The following WNT3 variants were observed in gnomAD, a reference collection of about 807,000 sequenced individuals.
The protein encoded by WNT3 is proto-oncogene Wnt-3.
In WNT3, 7 loss-of-function variants were observed where a neutral mutation model predicts 34.2. The observed-to-expected ratio is 0.20, with a 90% confidence interval of 0.12 to 0.38. The LOEUF (loss-of-function observed/expected upper bound fraction) is 0.38, where lower values mean the gene tolerates loss of function less well. Among genes scored for constraint, WNT3 ranks in the 10% least tolerant of loss-of-function variants. WNT3 has a pLI of 1.00. For missense variants in WNT3, 267 were observed against 499.8 expected (o/e 0.53, Z 4.44); for synonymous variants, 212 against 211.5 (o/e 1.00, Z -0.02).
intron 1 of WNT3, among the ~76,000 whole-genome samples, chr17:46,809,587 T>C (rs11653738): frequency 0.27 from 40,525 of 152,214 alleles, 5,984 homozygotes; most frequent in South Asian, 0.39. Context: ...GATTCCCTGA[T>C]GACTACAGGC....
intron 1 of WNT3, 25 bp downstream of exon 1, chr17:46,818,493 C>T (rs1300680950): frequency 3.1e-6 from 5 of 1,589,412 alleles, no homozygotes; most frequent in Non-Finnish European, 4.3e-6. Flanking sequence ...AACCGGGCCG[C>T]GGGCAGACAA....
At chr17:46,773,240 C>T (rs749121343) in intron 2 of WNT3, among the ~76,000 whole-genome samples, 4 of 152,056 alleles carry the variant, frequency 2.6e-5, no homozygotes, top group East Asian at 3.9e-4. Flanking sequence ...TTGGGGGCAA[C>T]GCAATGCTAC....
At chr17:46,807,868 G>A (rs781361134) in intron 1 of WNT3, among the ~76,000 whole-genome samples, 14 of 152,196 alleles carry the variant, frequency 9.2e-5, no homozygotes, top group African/African-American at 3.4e-4. Flanking sequence ...GGACATAAAG[G>A]GAAGCATGCT....
intron 1 of WNT3, among the ~76,000 whole-genome samples, chr17:46,789,752 G>A (rs572510457): frequency 6.6e-6 from 1 of 152,326 alleles, no homozygotes; most frequent in East Asian, 1.9e-4. Flanking sequence ...ACTGCCCAGG[G>A]CTCCAGCTTG....
rs571466968 is a variant in WNT3, at chr17:46,810,288, G to A, written c.80+8230C>T. Among the ~76,000 whole-genome samples, 6 of 152,066 alleles carry A rather than the reference G, an allele frequency of 3.9e-5. No homozygotes were observed. The South Asian group carries it at 6.2e-4, about 16-fold the overall frequency. ...CTCCCAAAGTGCTGGGATTACAGGC[G>A]TAAGCCCCATGCCCAGCCTTCTTAT... On this transcript the variant is annotated intron_variant, in intron 1 of 4. Transcript: ENST00000225512.
chr17:46,777,335 C>T (rs889107513), intron 1 of WNT3, among the ~76,000 whole-genome samples: 1 of 152,276 alleles, frequency 6.6e-6, no homozygotes. Context: ...TCGGGGGGCC[C>T]ATGCTGGCAA....
intron 1 of WNT3, among the ~76,000 whole-genome samples, chr17:46,780,738 C>G (rs1301238171): frequency 1.3e-5 from 2 of 151,942 alleles, no homozygotes; most frequent in Non-Finnish European, 2.9e-5. Context: ...GATGGCGCCA[C>G]TGCGCTCCAG....
At chr17:46,803,900 G>A (rs1341951726) in intron 1 of WNT3, among the ~76,000 whole-genome samples, 2 of 152,188 alleles carry the variant, frequency 1.3e-5, no homozygotes, top group African/African-American at 4.8e-5. Context: ...TGAAGAGGGT[G>A]GGCACAGGCT....
At chr17:46,790,363 T>C (rs940019988) in intron 1 of WNT3, among the ~76,000 whole-genome samples, 2 of 152,114 alleles carry the variant, frequency 1.3e-5, no homozygotes, top group Non-Finnish European at 2.9e-5. Flanking sequence ...TAAGTGGCCC[T>C]GCTGAGCTTA....
Position 46,769,993 on chromosome 17 carries a change from G to C in WNT3, c.378C>G (p.Ala126=). The change falls in exon 3 of 5, where the codon GCC becomes GCG. Residue 126 remains alanine (A), a synonymous_variant. Transcript: ENST00000225512. ...HAIASAGVAF[A]VTRSCAEGTS... ...TGCCCTCGGCGCAGGAGCGGGTGAC[G>C]GCGAAGGCCACGCCGGCCGAGGCGA... 1 of 1,605,006 alleles carries C rather than the reference G, an allele frequency of 6.2e-7. No homozygotes were observed. Among genetic ancestry groups the C allele is most frequent in the Non-Finnish European group, 8.5e-7 (1 of 1,176,168 alleles).
intron 1 of WNT3, among the ~76,000 whole-genome samples, chr17:46,802,171 G>A (rs913906409): frequency 6.6e-6 from 1 of 152,194 alleles, no homozygotes; most frequent in African/African-American, 2.4e-5. Context: ...GTATGCTAAT[G>A]AGCTGACGGA....
intron 1 of WNT3, among the ~76,000 whole-genome samples, chr17:46,799,446 CTTTTT>C (rs11319114): frequency 1.6e-5 from 2 of 121,562 alleles, no homozygotes; most frequent in African/African-American, 3.1e-5. Flanking sequence ...ATTATTTCTA[CTTTTT>C]TTTTTTTTTT....
Position 46,779,103 on chromosome 17 carries a change from A to ACACACACACACACCC in WNT3, c.81-5195_81-5194insGGGTGTGTGTGTGTG, listed in dbSNP as rs749719578. Among the ~76,000 whole-genome samples the ACACACACACACACCC allele has an allele frequency of 6.7e-5, 9 of 133,662 alleles. 1 individual carries two copies. The highest frequency in any genetic ancestry group is 2.6e-4 in the East Asian group (1 of 3,902). The allele number at this position is 133,662 out of a possible 152,430, so 87.7% of individuals were successfully genotyped here. A position where few individuals can be genotyped will look rare whatever the true frequency, so the allele number is the denominator to read the frequency against. On this transcript the variant is annotated intron_variant, in intron 1 of 4. Coordinates refer to ENST00000225512, the MANE Select transcript of WNT3 (RefSeq NM_030753.5). ...CACACACACACACACACACACACAC[A>ACACACACACACACCC]CCCCAGCCCACTCGGCCTTCCAAAG...
intron 1 of WNT3, among the ~76,000 whole-genome samples, chr17:46,781,397 A>G (rs902171559): frequency 6.6e-6 from 1 of 151,666 alleles, no homozygotes; most frequent in African/African-American, 2.4e-5. Flanking sequence ...TAGGCAACAG[A>G]GTAAGACTCT....
At chr17:46,775,609 C>CTTTT (rs1223588575) in intron 1 of WNT3, among the ~76,000 whole-genome samples, 18 of 111,584 alleles carry the variant, frequency 1.6e-4, no homozygotes, top group South Asian at 2.9e-4. Context: ...GCCAGAAGTT[C>CTTTT]TTTTTTTTTT....
intron 1 of WNT3, among the ~76,000 whole-genome samples, chr17:46,815,916 G>A (rs2084335818): frequency 6.6e-6 from 1 of 152,112 alleles, no homozygotes; most frequent in South Asian, 2.1e-4. Flanking sequence ...GATATTCACA[G>A]CCACACAGCC....
intron 1 of WNT3, among the ~76,000 whole-genome samples, chr17:46,784,698 C>A (rs1030310507): frequency 6.6e-6 from 1 of 151,960 alleles, no homozygotes; most frequent in Admixed American, 6.6e-5. Flanking sequence ...GAGGTCCCCA[C>A]GAGATGCACA....
intron 1 of WNT3, among the ~76,000 whole-genome samples, chr17:46,792,891 G>A (rs958084858): frequency 2.0e-5 from 3 of 152,064 alleles, no homozygotes; most frequent in Admixed American, 6.6e-5. Context: ...CAATTTAACG[G>A]ATGATGACAT....
intron 2 of WNT3, among the ~76,000 whole-genome samples, chr17:46,772,431 G>A (rs577228212): frequency 1.3e-5 from 2 of 152,328 alleles, no homozygotes; most frequent in East Asian, 3.9e-4. Context: ...CTCGCTTTTG[G>A]GGAGCGCGTC....
Sources: gnomAD v4.1 joint callset for allele counts (sites outside exome capture counted in the v4.1 genomes callset) on GRCh38, gnomAD v4.1.1 for gene constraint, MANE v1.5 for transcripts, NCBI Gene and HGNC (gene_info 2026-07-23, HGNC 2026-07-21) for gene names.